TACR1: variants seen among roughly 807,000 people sequenced by gnomAD.
TACR1 encodes the protein tachykinin receptor 1.
A neutral mutation model predicts 35.8 loss-of-function variants in TACR1; 25 were observed. The ratio of observed to expected loss-of-function variants is 0.70; its 90% CI spans 0.51 to 0.98. TACR1 has a LOEUF of 0.98. Among genes scored for constraint, TACR1 ranks in the 50% least tolerant of loss-of-function variants. The pLI, the probability that TACR1 is intolerant of heterozygous loss-of-function variation, is 0.00. For synonymous variants in TACR1, 195 were observed against 206.7 expected, an observed-to-expected ratio of 0.94 and a Z score of 0.48; for missense variants, 478 against 522.9, an observed-to-expected ratio of 0.91 and a Z score of 0.84.
intron 2 of TACR1, among the ~76,000 whole-genome samples, chr2:75,062,690 G>C (rs1376414514): frequency 6.6e-6 from 1 of 152,064 alleles, no homozygotes; most frequent in Non-Finnish European, 1.5e-5. Context: ...TAAGTTAAAG[G>C]GTTTTTAAAA....
intron 1 of TACR1, among the ~76,000 whole-genome samples, chr2:75,158,787 ATGCT>A (rs933496093): frequency 1.3e-5 from 2 of 152,170 alleles, no homozygotes; most frequent in Non-Finnish European, 2.9e-5. Context: ...GTTGGGTGAG[ATGCT>A]TGCAATGTGG....
chr2:75,178,908 G>A (rs1675493903), intron 1 of TACR1, among the ~76,000 whole-genome samples: 1 of 152,192 alleles, frequency 6.6e-6, no homozygotes, highest in African/African-American at 2.4e-5. Context: ...CAGGGCTCAG[G>A]CAGGGAAAAT....
intron 1 of TACR1, among the ~76,000 whole-genome samples, chr2:75,123,176 G>A (rs1447275194): frequency 6.9e-5 from 3 of 43,604 alleles, no homozygotes; most frequent in East Asian, 2.4e-4. Flanking sequence ...CGGTGAAGAT[G>A]CCTTATCTCA....
chr2:75,116,482 C>T (rs1162999092), intron 2 of TACR1, among the ~76,000 whole-genome samples: 1 of 152,136 alleles, frequency 6.6e-6, no homozygotes, highest in African/African-American at 2.4e-5. Flanking sequence ...GTATTAAGAG[C>T]AATGCTGATG....
chr2:75,097,411 T>A (rs1415400915), intron 2 of TACR1, among the ~76,000 whole-genome samples: 1 of 151,920 alleles, frequency 6.6e-6, no homozygotes, highest in East Asian at 1.9e-4. Flanking sequence ...GTGGTGAAAC[T>A]ATTTCTGTTC....
At chr2:75,084,553 G>C (rs1482093653) in intron 2 of TACR1, among the ~76,000 whole-genome samples, 1 of 152,176 alleles carries the variant, frequency 6.6e-6, no homozygotes, top group Non-Finnish European at 1.5e-5. Flanking sequence ...AGTCCGTCTG[G>C]TCCTGGACTT....
intron 1 of TACR1, among the ~76,000 whole-genome samples, chr2:75,137,019 C>G (rs3771829): frequency 0.11 from 16,909 of 152,164 alleles, 1,208 homozygotes; most frequent in Admixed American, 0.24. Context: ...GCCTGGGCTT[C>G]AAGGAGAAAT....
intron 2 of TACR1, among the ~76,000 whole-genome samples, chr2:75,082,352 C>G (rs1478547250): frequency 6.6e-6 from 1 of 152,142 alleles, no homozygotes; most frequent in Non-Finnish European, 1.5e-5. Context: ...GGTTCCAAGT[C>G]TTTGCTATTG....
At chr2:75,121,331 G>C (rs1673967176) in intron 1 of TACR1, among the ~76,000 whole-genome samples, 1 of 152,224 alleles carries the variant, frequency 6.6e-6, no homozygotes, top group South Asian at 2.1e-4. Context: ...AATTCTTTGA[G>C]CATCTAGGAG....
chr2:75,142,243 C>T (rs1368931530), intron 1 of TACR1, among the ~76,000 whole-genome samples: 3 of 152,152 alleles, frequency 2.0e-5, no homozygotes, highest in Non-Finnish European at 2.9e-5. Context: ...CTGAGTGTTC[C>T]ATTTTCTCAT....
intron 2 of TACR1, among the ~76,000 whole-genome samples, chr2:75,115,999 CAG>C (rs1673849582): frequency 1.4e-5 from 2 of 147,822 alleles, no homozygotes; most frequent in African/African-American, 5.1e-5. Context: ...AGGTGCATAA[CAG>C]TGTGCATAAT....
At chr2:75,152,971 C>G (rs753585256) in intron 1 of TACR1, among the ~76,000 whole-genome samples, 2 of 152,190 alleles carry the variant, frequency 1.3e-5, no homozygotes, top group African/African-American at 4.8e-5. Flanking sequence ...AGCGCAATCT[C>G]GGCTCACTGC....
intron 2 of TACR1, among the ~76,000 whole-genome samples, chr2:75,094,860 T>TATATATATATATATATA (rs1491102755): frequency 3.0e-3 from 149 of 50,314 alleles, no homozygotes; most frequent in East Asian, 0.022. Context: ...TATATATATA[T>TATATATATATATATATA]TTTTTTTTTT....
rs184477227 is a variant in TACR1, at chr2:75,110,331, T to G, written c.584+10243A>C. Among the ~76,000 whole-genome samples the G allele has an allele frequency of 2.0e-5, 3 of 152,172 alleles. No individual in the cohort carries two copies. The East Asian group carries it at 5.8e-4, about 29-fold the overall frequency. ...ATAATATTTTTATTCTAGAAGTAGATGTCTTAAAAATTTCACTTTACTTAA... is the reference window on the plus strand; with the variant it reads ...ATAATATTTTTATTCTAGAAGTAGAGGTCTTAAAAATTTCACTTTACTTAA... On this transcript the variant is annotated intron_variant, in intron 2 of 4. Coordinates refer to ENST00000305249, the MANE Select transcript of TACR1 (RefSeq NM_001058.4).
At chr2:75,056,532 T>C (rs1256422697) in intron 2 of TACR1, among the ~76,000 whole-genome samples, 1 of 152,184 alleles carries the variant, frequency 6.6e-6, no homozygotes, top group Non-Finnish European at 1.5e-5. Context: ...GGCTTTCCTG[T>C]GTGGCTTGGC....
intron 2 of TACR1, among the ~76,000 whole-genome samples, chr2:75,097,390 T>C (rs189542149): frequency 1.4e-4 from 21 of 152,170 alleles, no homozygotes; most frequent in Non-Finnish European, 4.4e-5. Flanking sequence ...TTTTTTTTTT[T>C]CCTACTGTAG....
intron 1 of TACR1, among the ~76,000 whole-genome samples, chr2:75,151,247 T>C (rs1206096970): frequency 6.6e-6 from 1 of 152,304 alleles, no homozygotes; most frequent in East Asian, 1.9e-4. Flanking sequence ...CCCAAGACCA[T>C]GGGGAAAATG....
intron 2 of TACR1, among the ~76,000 whole-genome samples, chr2:75,109,694 A>G (rs1250501616): frequency 6.6e-6 from 1 of 152,236 alleles, no homozygotes; most frequent in Non-Finnish European, 1.5e-5. Context: ...ACTTAGGAAA[A>G]GGGCAGAAAA....
intron 1 of TACR1, among the ~76,000 whole-genome samples, chr2:75,146,373 T>C (rs1317774512): frequency 1.3e-5 from 2 of 152,174 alleles, no homozygotes; most frequent in African/African-American, 4.8e-5. Flanking sequence ...TCTGCCAGCC[T>C]TGGCCCCCCA....
Sources: gnomAD v4.1 joint callset for allele counts (sites outside exome capture counted in the v4.1 genomes callset) on GRCh38, gnomAD v4.1.1 for gene constraint, MANE v1.5 for transcripts, NCBI Gene and HGNC (gene_info 2026-07-23, HGNC 2026-07-21) for gene names.